SH3BGRL2: variants seen among roughly 807,000 people sequenced by gnomAD.
The protein encoded by SH3BGRL2 is SH3 domain-binding glutamic acid-rich-like protein 2.
SH3BGRL2 carries 21 observed loss-of-function variants against 14.8 expected under a neutral mutation model. The ratio of observed to expected loss-of-function variants is 1.42; its 90% CI spans 1.01 to 2.05. The LOEUF (loss-of-function observed/expected upper bound fraction) is 2.05, where lower values mean the gene tolerates loss of function less well. Among genes scored for constraint, SH3BGRL2 ranks in the 30% most tolerant of loss-of-function variants. The pLI, the probability that SH3BGRL2 is intolerant of heterozygous loss-of-function variation, is 0.00. For missense variants in SH3BGRL2, 147 were observed against 130.8 expected (o/e 1.12, Z -0.61); for synonymous variants, 50 against 47.8 (o/e 1.05, Z -0.19).
chr6:79,607,438 T>C, the SH3BGRL2 span, among the ~76,000 whole-genome samples: 1 of 152,184 alleles, frequency 6.6e-6, no homozygotes, highest in African/African-American at 2.4e-5. Flanking sequence ...ACTTTCATTA[T>C]CACCATCTCC....
chr6:79,625,708 G>A, the SH3BGRL2 span, among the ~76,000 whole-genome samples: 1 of 152,148 alleles, frequency 6.6e-6, no homozygotes, highest in African/African-American at 2.4e-5. Context: ...CACTTACTGA[G>A]TCCTAACTAT....
chr6:79,624,920 C>T, the SH3BGRL2 span, among the ~76,000 whole-genome samples: 10 of 151,962 alleles, frequency 6.6e-5, no homozygotes, highest in African/African-American at 1.9e-4. Flanking sequence ...GCCTGTAATC[C>T]GAGCACTTTG....
At position 79,700,803 on chromosome 6, in the gene SH3BGRL2, A is replaced by C. The variant is rs191915292; in HGVS notation, c.*1294A>C. On this transcript the variant is annotated 3_prime_UTR_variant, in exon 4 of 4. Transcript: ENST00000369838. The stretch of plus-strand genomic sequence containing the variant: ...CTTGTCCCTATAACAGGGATGCTTA[A>C]TTTTTTTTTTAACTTAGAGTTTTAA... 1 of 150,584 alleles carries C rather than the reference A, an allele frequency of 6.6e-6. No homozygotes were observed. Among genetic ancestry groups the C allele is most frequent in the South Asian group, 2.1e-4 (1 of 4,736 alleles). 9.3% of individuals were successfully genotyped at this position (150,584 alleles called of 1,614,324 possible).
chr6:79,644,004 A>G (rs1386053483), intron 1 of SH3BGRL2, among the ~76,000 whole-genome samples: 1 of 152,180 alleles, frequency 6.6e-6, no homozygotes, highest in African/African-American at 2.4e-5. Flanking sequence ...GGGGAAAGAA[A>G]GGTTGGCCAG....
At chr6:79,658,914 G>A (rs1582723433) in intron 1 of SH3BGRL2, among the ~76,000 whole-genome samples, 1 of 152,304 alleles carries the variant, frequency 6.6e-6, no homozygotes, top group Middle Eastern at 3.4e-3. Flanking sequence ...ATTTTTTCAT[G>A]TGTCCGTTGG....
chr6:79,686,747 T>C (rs1770105871), intron 2 of SH3BGRL2, among the ~76,000 whole-genome samples: 2 of 152,318 alleles, frequency 1.3e-5, no homozygotes, highest in Admixed American at 6.5e-5. Context: ...TGTTAGTTTT[T>C]GTCTTTCTTA....
the SH3BGRL2 span, among the ~76,000 whole-genome samples, chr6:79,583,985 T>G: frequency 6.6e-6 from 1 of 152,168 alleles, no homozygotes; most frequent in Non-Finnish European, 1.5e-5. Context: ...TTTATGACTT[T>G]GGTTTCAGAG....
the SH3BGRL2 span, among the ~76,000 whole-genome samples, chr6:79,618,436 C>T: frequency 6.6e-6 from 1 of 152,170 alleles, no homozygotes; most frequent in East Asian, 1.9e-4. Context: ...GGCCAGGCGC[C>T]GTGGCTCTTG....
chr6:79,702,119 T>G lies in SH3BGRL2; in HGVS notation c.*2610T>G, dbSNP rs1039816942. The stretch of plus-strand genomic sequence containing the variant: ...ACTTGTTTTTCCAAATTCCGGTGTT[T>G]TATTACAATCAAAGAAGAGGAAAGC... On this transcript the variant is annotated 3_prime_UTR_variant, in exon 4 of 4. Transcript: ENST00000369838. 1.3e-5 allele frequency: 2 copies of G among 152,608 alleles called. No individual in the cohort carries two copies. The highest frequency in any genetic ancestry group is 4.8e-5 in the African/African-American group (2 of 41,452). 9.5% of individuals were successfully genotyped at this position (152,608 alleles called of 1,614,324 possible). A position where few individuals can be genotyped will look rare whatever the true frequency, so the allele number is the denominator to read the frequency against.
chr6:79,688,427 A>G (rs1287168425), intron 2 of SH3BGRL2, among the ~76,000 whole-genome samples: 3 of 152,186 alleles, frequency 2.0e-5, no homozygotes, highest in Non-Finnish European at 4.4e-5. Flanking sequence ...TGAAATGGGC[A>G]ATTTTACCTT....
intron 1 of SH3BGRL2, among the ~76,000 whole-genome samples, chr6:79,648,954 G>A (rs1769224150): frequency 6.6e-6 from 1 of 152,156 alleles, no homozygotes. Flanking sequence ...CTAGAACCAT[G>A]TAGAATGAAG....
At chr6:79,695,384 T>C (rs1464494463) in intron 2 of SH3BGRL2, among the ~76,000 whole-genome samples, 1 of 152,094 alleles carries the variant, frequency 6.6e-6, no homozygotes, top group Non-Finnish European at 1.5e-5. Flanking sequence ...ACCAAATAAT[T>C]CAAAGATTTT....
the SH3BGRL2 span, among the ~76,000 whole-genome samples, chr6:79,547,503 A>C: frequency 4.0e-4 from 61 of 152,182 alleles, 1 homozygote; most frequent in Non-Finnish European, 8.2e-4. Flanking sequence ...GCTGAACTGG[A>C]GTGAGGCCCG....
At chr6:79,609,876 G>T in the SH3BGRL2 span, among the ~76,000 whole-genome samples, 6 of 152,298 alleles carry the variant, frequency 3.9e-5, no homozygotes, top group Non-Finnish European at 5.9e-5. Context: ...ACTGACCAAA[G>T]AAGGCAGGCC....
At chr6:79,630,021 C>T (rs1582708590), upstream of SH3BGRL2, among the ~76,000 whole-genome samples, 1 of 152,252 alleles carries the variant, frequency 6.6e-6, no homozygotes, top group South Asian at 2.1e-4. Flanking sequence ...TGCATTTCCA[C>T]ATTTATGGTA....
chr6:79,597,688 T>C, the SH3BGRL2 span, among the ~76,000 whole-genome samples: 1 of 152,160 alleles, frequency 6.6e-6, no homozygotes, highest in Non-Finnish European at 1.5e-5. Context: ...AAAATCTTCA[T>C]GACTTTGAAC....
chr6:79,696,502 T>G lies in SH3BGRL2; in HGVS notation c.249T>G (p.Phe83Leu). ...TTTTCTAGGATTATGACAGTTTTTTTGAATCCAAGGAAAGCAACACAGTCT... is the reference window on the plus strand; with the variant it reads ...TTTTCTAGGATTATGACAGTTTTTTGGAATCCAAGGAAAGCAACACAGTCT... ...DRYCGDYDSF[F>L]ESKESNTVFS... Residue 83 changes from phenylalanine (F) to leucine (L), a missense_variant, in exon 3 of 4, where the codon TTT (phenylalanine) becomes TTG (leucine). Transcript: ENST00000369838. The G allele has an allele frequency of 6.3e-7, 1 of 1,585,844 alleles. No homozygotes were observed. Among genetic ancestry groups the G allele is most frequent in the Non-Finnish European group, 8.5e-7 (1 of 1,172,730 alleles).
At chr6:79,626,350 A>T (rs1201231873), upstream of SH3BGRL2, among the ~76,000 whole-genome samples, 4 of 152,204 alleles carry the variant, frequency 2.6e-5, no homozygotes, top group African/African-American at 9.6e-5. Flanking sequence ...TTAATGAAGG[A>T]TATTTACGTT....
chr6:79,546,826 C>T, the SH3BGRL2 span, among the ~76,000 whole-genome samples: 9 of 151,742 alleles, frequency 5.9e-5, no homozygotes, highest in South Asian at 8.3e-4. Context: ...ATTACAGATG[C>T]GCGCCACCAT....
Sources: allele counts gnomAD v4.1 joint callset (sites outside exome capture counted in the v4.1 genomes callset), GRCh38; gene constraint gnomAD v4.1.1; transcripts MANE v1.5; gene names NCBI Gene and HGNC (gene_info 2026-07-23, HGNC 2026-07-21).